Variants in IGF2BP3 observed in about 807,000 individuals in gnomAD.
IGF2BP3 encodes insulin like growth factor 2 mRNA binding protein 3.
Under a neutral mutation model 73.8 loss-of-function variants are expected in IGF2BP3, and 9 were observed. That is an observed-to-expected ratio of 0.12 (90% CI 0.07 to 0.21). The LOEUF is 0.21. IGF2BP3 is among the 10% of genes least tolerant of loss of function. The pLI is 1.00. For synonymous variants in IGF2BP3, 258 were observed against 256.7 expected (o/e 1.01, Z -0.05); for missense variants, 542 against 714.0 (o/e 0.76, Z 2.75).
chr7:23,345,194 A>C (rs1397759728), intron 8 of IGF2BP3, among the ~76,000 whole-genome samples: 1 of 152,240 alleles, frequency 6.6e-6, no homozygotes, highest in Non-Finnish European at 1.5e-5. Context: ...AGTGAAACTA[A>C]GAATGGCCAC....
intron 10 of IGF2BP3, among the ~76,000 whole-genome samples, chr7:23,341,699 A>T (rs770704939): frequency 6.6e-6 from 1 of 152,140 alleles, no homozygotes; most frequent in African/African-American, 2.4e-5. Flanking sequence ...ACCATGGCAC[A>T]TGTATACCTA....
chr7:23,452,311 G>A (rs796574133), intron 2 of IGF2BP3, among the ~76,000 whole-genome samples: 7 of 151,970 alleles, frequency 4.6e-5, no homozygotes, highest in African/African-American at 1.4e-4. Flanking sequence ...GCCAGAATAG[G>A]GTATGTTTTC....
intron 8 of IGF2BP3, among the ~76,000 whole-genome samples, chr7:23,344,207 T>G (rs1784779439): frequency 1.3e-5 from 2 of 152,236 alleles, no homozygotes; most frequent in Admixed American, 1.3e-4. Context: ...GTATAGTTTT[T>G]GAGGAAACCA....
At chr7:23,330,548 C>T (rs1276665590) in intron 10 of IGF2BP3, among the ~76,000 whole-genome samples, 1 of 151,834 alleles carries the variant, frequency 6.6e-6, no homozygotes, top group African/African-American at 2.4e-5. Context: ...CATCAAAATG[C>T]TAAAAAGGGC....
intron 2 of IGF2BP3, among the ~76,000 whole-genome samples, chr7:23,421,833 G>C (rs561450107): frequency 6.6e-6 from 1 of 152,146 alleles, no homozygotes; most frequent in East Asian, 1.9e-4. Flanking sequence ...CGCCCAGGCT[G>C]GAGTGCAGTG....
intron 10 of IGF2BP3, among the ~76,000 whole-genome samples, chr7:23,320,947 C>CAAAAAAAAAAAAA (rs70966008): frequency 9.3e-5 from 9 of 96,470 alleles, no homozygotes; most frequent in African/African-American, 2.5e-4. Flanking sequence ...AACTCTGTCT[C>CAAAAAAAAAAAAA]AAAAAAAAAA....
At chr7:23,457,226 G>T (rs1294608565) in intron 2 of IGF2BP3, among the ~76,000 whole-genome samples, 1 of 152,094 alleles carries the variant, frequency 6.6e-6, no homozygotes, top group African/African-American at 2.4e-5. Flanking sequence ...ACTTTGGGAG[G>T]CTAAGGCAGG....
chr7:23,367,670 G>A (rs77773466), intron 3 of IGF2BP3, among the ~76,000 whole-genome samples: 2,815 of 152,146 alleles, frequency 0.019, 78 homozygotes, highest in African/African-American at 0.065. Flanking sequence ...TATTTAGGAC[G>A]TGAAACCCTC....
intron 2 of IGF2BP3, among the ~76,000 whole-genome samples, chr7:23,435,477 G>C (rs765650365): frequency 6.7e-6 from 1 of 150,220 alleles, no homozygotes; most frequent in South Asian, 2.1e-4. Flanking sequence ...TCTTTGAGAC[G>C]GAGTCTCGCT....
chr7:23,369,498 A>G lies in IGF2BP3; in HGVS notation c.286-7757T>C, dbSNP rs532993908. Among the ~76,000 whole-genome samples, 5 of 152,268 alleles carry G rather than the reference A, an allele frequency of 3.3e-5. No individual in the cohort carries two copies. In the South Asian group the frequency reaches 1.0e-3, roughly 32 times the overall value. On this transcript the variant is annotated intron_variant, in intron 3 of 14. Coordinates refer to ENST00000258729, the MANE Select transcript of IGF2BP3 (RefSeq NM_006547.3). ...TCTTACCACGAACTTTTCTCTTTAC[A>G]AAAGAACCTATGCTTTGGTGTTTGC...
At chr7:23,435,840 C>T (rs565668756) in intron 2 of IGF2BP3, among the ~76,000 whole-genome samples, 109 of 152,244 alleles carry the variant, frequency 7.2e-4, no homozygotes, top group African/African-American at 2.6e-3. Context: ...TCACTGCAAC[C>T]TCCACTTCCC....
chr7:23,426,340 A>AAAG, intron 2 of IGF2BP3, among the ~76,000 whole-genome samples: 1 of 114,662 alleles, frequency 8.7e-6, no homozygotes, highest in Non-Finnish European at 1.7e-5. Context: ...AAAAAAAAAA[A>AAAG]GGGGGGTGGG....
In IGF2BP3 at chr7:23,351,534, C is replaced by T. The variant is rs762279624; in HGVS notation, c.454G>A (p.Ala152Thr). 1 of 1,613,988 alleles carries T rather than the reference C, an allele frequency of 6.2e-7. No homozygotes were observed. The highest frequency in any genetic ancestry group is 8.5e-7 in the Non-Finnish European group (1 of 1,180,034). ...GCGGCCATTTCATCAGGGATATAGG[C>T]TACTTTCAAGGTGAAATTCTCTAAC... The part of the protein sequence containing the change: ...FQLENFTLKV[A>T]YIPDEMAAQQ... The change falls in exon 6 of 15, where the codon GCC becomes ACC. Residue 152 changes from alanine (A) to threonine (T), a missense_variant. Ala to Thr is a moderately conservative substitution (Grantham distance 58, BLOSUM62 0). Transcript: ENST00000258729.
At chr7:23,369,935 C>A (rs1320852072) in intron 3 of IGF2BP3, among the ~76,000 whole-genome samples, 4 of 152,182 alleles carry the variant, frequency 2.6e-5, no homozygotes, top group African/African-American at 9.7e-5. Flanking sequence ...CCTGGGCTAT[C>A]TGAACCAAGT....
At chr7:23,317,965 G>A (rs532860025) in intron 11 of IGF2BP3, 53 of 520,948 alleles carry the variant, frequency 1.0e-4, no homozygotes, top group East Asian at 6.9e-4. Context: ...TCCTCACCAC[G>A]TCCTGATGAA....
intron 3 of IGF2BP3, among the ~76,000 whole-genome samples, chr7:23,398,183 A>G (rs1199648066): frequency 6.6e-6 from 1 of 150,870 alleles, no homozygotes; most frequent in East Asian, 2.0e-4. Flanking sequence ...TGTCCTTGCG[A>G]TAGTTTGCTG....
In IGF2BP3 at chr7:23,343,697, GC is replaced by G; in HGVS notation, c.1077+20del. On this transcript the variant is annotated intron_variant, in intron 9 of 14. Coordinates refer to ENST00000258729, the MANE Select transcript of IGF2BP3 (RefSeq NM_006547.3). ...TAACTATTTGTTAAAATAAAGACAT[GC>G]CCTTCATAACAAAACTAACATTCAT... 1 of 1,594,470 alleles carries G rather than the reference GC, an allele frequency of 6.3e-7. No homozygotes were observed.
At chr7:23,319,106 G>A (rs1268052908) in intron 11 of IGF2BP3, 32 bp downstream of exon 11, 2 of 1,322,390 alleles carry the variant, frequency 1.5e-6, no homozygotes, top group East Asian at 2.3e-5. Flanking sequence ...CTTACTTAAA[G>A]AACCAGAGAA....
chr7:23,383,767 T>C (rs911705910), intron 3 of IGF2BP3, among the ~76,000 whole-genome samples: 8 of 152,158 alleles, frequency 5.3e-5, no homozygotes, highest in African/African-American at 1.7e-4. Context: ...CAACGTGGTA[T>C]ATTTATGCAG....
Sources: allele counts gnomAD v4.1 joint callset (sites outside exome capture counted in the v4.1 genomes callset), GRCh38; gene constraint gnomAD v4.1.1; transcripts MANE v1.5; gene names NCBI Gene and HGNC (gene_info 2026-07-23, HGNC 2026-07-21).